Variants in SHANK1 observed in about 807,000 individuals in gnomAD.
The protein encoded by SHANK1 is SH3 and multiple ankyrin repeat domains 1.
SHANK1 carries 35 observed loss-of-function variants against 165.6 expected under a neutral mutation model. The observed-to-expected ratio is 0.21, with a 90% CI of 0.16 to 0.28. The LOEUF (loss-of-function observed/expected upper bound fraction) is 0.28. Among genes scored for constraint, SHANK1 ranks in the 10% least tolerant of loss-of-function variants. The probability of loss-of-function intolerance (pLI) is 1.00; values close to 1 mark genes in which losing one functional copy is unlikely to be tolerated. For missense variants in SHANK1, 2,681 were observed against 3,036.4 expected (o/e 0.88, Z 2.75); for synonymous variants, 1,428 against 1,384.8 (o/e 1.03, Z -0.69).
chr19:50,711,147 C>T, intron 8 of SHANK1: 1 of 548,292 alleles, frequency 1.8e-6, no homozygotes, highest in Non-Finnish European at 3.3e-6. Flanking sequence ...GCACCCAGCT[C>T]CAGGCCTGAT....
chr19:50,662,009 G>A lies in SHANK1; in HGVS notation c.6442C>T (p.Arg2148Cys). ...TTGAGAGCCCGGTCGATGTTCATGCGGTGGCCCACCCTGGTCACACCTAGA... is the reference window on the plus strand; with the variant it reads ...TTGAGAGCCCGGTCGATGTTCATGCAGTGGCCCACCCTGGTCACACCTAGA... ...VDLGVTRVGH[R>C]MNIDRALKFF... The change falls in exon 24 of 24, where the codon CGC (arginine) becomes TGC (cysteine). Residue 2148 changes from arginine (R) to cysteine (C), a missense_variant. Coordinates refer to ENST00000293441, the MANE Select transcript of SHANK1 (RefSeq NM_016148.5). The surrounding 1 kb of genome is among the most constrained non-coding windows in gnomAD (Gnocchi z 7.7). 1.2e-6 allele frequency: 2 copies of A among 1,614,186 alleles called. No homozygotes were observed. The highest frequency in any genetic ancestry group is 8.5e-7 in the Non-Finnish European group (1 of 1,180,030).
At chr19:50,710,200 G>C (rs913025368) in intron 8 of SHANK1, among the ~76,000 whole-genome samples, 2 of 152,190 alleles carry the variant, frequency 1.3e-5, no homozygotes, top group Admixed American at 1.3e-4. Flanking sequence ...AGGAGCACGT[G>C]GGGAGAGAAG....
At chr19:50,666,073 A>T in intron 23 of SHANK1, 119 bp downstream of exon 23, 2 of 912,746 alleles carry the variant, frequency 2.2e-6, no homozygotes, top group African/African-American at 1.7e-5. Flanking sequence ...TGCTTCTGTG[A>T]CAGCAAACTC....
At chr19:50,679,107 G>GATGGGGAGGGGTCAGGGTGA (rs1344661990) in intron 21 of SHANK1, among the ~76,000 whole-genome samples, 5 of 26,340 alleles carry the variant, frequency 1.9e-4, no homozygotes, top group African/African-American at 5.5e-4. Flanking sequence ...GGGTCAGGGT[G>GATGGGGAGGGGTCAGGGTGA]TGGGGAGGGG....
In SHANK1 at chr19:50,719,525, G is replaced by C. The variant is rs1340460751; in HGVS notation, c.-163C>G. On this transcript the variant is annotated 5_prime_UTR_variant, in exon 1 of 24. Transcript: ENST00000293441. ...GCCATGCCCCACCGCCCCGGAGGGC[G>C]AGCGGGCCCGGGGAGGGGGCGGGCG... The C allele has an allele frequency of 7.8e-6, 1 of 127,514 alleles. No homozygotes were observed. Among genetic ancestry groups the C allele is most frequent in the Non-Finnish European group, 1.6e-5 (1 of 60,634 alleles). The allele number at this position is 127,514 out of a possible 1,614,324, so 7.9% of individuals were successfully genotyped here.
At chr19:50,663,434 C>G (rs8101383) in intron 23 of SHANK1, among the ~76,000 whole-genome samples, 71,041 of 151,984 alleles carry the variant, frequency 0.47, 17,563 homozygotes, top group African/African-American at 0.62. Flanking sequence ...CACTCTTGCC[C>G]TGGGCAGCTG....
chr19:50,668,650 G>C lies in SHANK1; in HGVS notation c.3310C>G (p.Arg1104Gly). ...TTGACCAGCGGGCCCTTGCGGCCGC[G>C]GCCCGAGCGGGCGGGCACGTACATG... ...AAMYVPARSGRGRKGPLVKQT... is the reference protein window; with the variant it reads ...AAMYVPARSGGGRKGPLVKQT... Residue 1104 changes from arginine to glycine, a missense_variant, in exon 23 of 24, where the codon CGC becomes GGC. Physicochemically the swap from Arg to Gly is moderately radical, Grantham distance 125. Coordinates refer to ENST00000293441, the MANE Select transcript of SHANK1 (RefSeq NM_016148.5). The C allele has an allele frequency of 7.3e-7, 1 of 1,363,676 alleles. No homozygotes were observed. Among genetic ancestry groups the C allele is most frequent in the Non-Finnish European group, 9.5e-7 (1 of 1,057,848 alleles). The allele number at this position is 1,363,676 out of a possible 1,614,324, so 84.5% of individuals were successfully genotyped here.
At chr19:50,683,185 T>C (rs148270987) in intron 21 of SHANK1, among the ~76,000 whole-genome samples, 37 of 152,134 alleles carry the variant, frequency 2.4e-4, no homozygotes, top group African/African-American at 7.5e-4. Context: ...CAATGAGAGG[T>C]AGTTTTGCCC....
At chr19:50,683,661 G>A (rs1026463653) in intron 21 of SHANK1, among the ~76,000 whole-genome samples, 2 of 152,072 alleles carry the variant, frequency 1.3e-5, no homozygotes, top group African/African-American at 2.4e-5. Context: ...TAAACAGACC[G>A]AGAAAAGACA....
chr19:50,684,773 A>G (rs2123123912), intron 21 of SHANK1, among the ~76,000 whole-genome samples: 1 of 152,366 alleles, frequency 6.6e-6, no homozygotes, highest in East Asian at 1.9e-4. Context: ...ACAGTGGTGC[A>G]GATTTCCCAA....
At chr19:50,704,355 G>T in intron 9 of SHANK1, 82 bp downstream of exon 9, 2 of 1,395,632 alleles carry the variant, frequency 1.4e-6, no homozygotes, top group Non-Finnish European at 1.0e-6. Context: ...TTTCCTCATT[G>T]TCCCCTTCCT....
chr19:50,673,333 C>A (rs1985866193), intron 21 of SHANK1, among the ~76,000 whole-genome samples: 1 of 152,076 alleles, frequency 6.6e-6, no homozygotes, highest in African/African-American at 2.4e-5. Context: ...CAGGCGGGAC[C>A]CAGCCCTGCC....
chr19:50,668,214 T>G lies in SHANK1; in HGVS notation c.3746A>C (p.Glu1249Ala). ...AARREGGWQN[E>A]ARRRSTLFLS... is the part of the protein sequence containing the mutation. Reference sequence around the variant, plus strand: ...GAACAGCGTGGAGCGCCGGCGCGCCTCATTCTGCCAGCCCCCCTCCCTCCG... The same window carrying G: ...GAACAGCGTGGAGCGCCGGCGCGCCGCATTCTGCCAGCCCCCCTCCCTCCG... The change falls in exon 23 of 24, where the codon GAG becomes GCG. Residue 1249 changes from glutamate to alanine, a missense_variant. Glu to Ala is a moderately radical substitution (Grantham distance 107). Coordinates refer to ENST00000293441, the MANE Select transcript of SHANK1 (RefSeq NM_016148.5). The G allele has an allele frequency of 1.3e-6, 2 of 1,496,786 alleles. No homozygotes were observed. Among genetic ancestry groups the G allele is most frequent in the Non-Finnish European group, 1.8e-6 (2 of 1,136,250 alleles). The allele number at this position is 1,496,786 out of a possible 1,614,324, so 92.7% of individuals were successfully genotyped here.
At chr19:50,714,951 G>C (rs758385017) in intron 4 of SHANK1, among the ~76,000 whole-genome samples, 1 of 152,160 alleles carries the variant, frequency 6.6e-6, no homozygotes, top group Non-Finnish European at 1.5e-5. Flanking sequence ...CACTTGGCCA[G>C]TGGTTCCCAA....
rs769203659 is a variant in SHANK1, at chr19:50,672,112, C to T, written c.2580G>A (p.Ser860=). ...GGGCACGGTGGTGGGGATCGAAGCT[C>T]GACTTTGGAGCGGCAGTCAGAGGGG... The part of the protein sequence containing the change: ...HRPKGFFATE[S]SFDPHHRAQP... Residue 860 remains serine, a splice_region_variant and synonymous_variant, in exon 22 of 24, where the codon TCG becomes TCA. Transcript: ENST00000293441. 8.7e-6 allele frequency: 14 copies of T among 1,612,816 alleles called. No individual in the cohort carries two copies. The highest frequency in any genetic ancestry group is 1.7e-5 in the Admixed American group (1 of 59,912).
At chr19:50,663,540 T>G (rs1265280039) in intron 23 of SHANK1, among the ~76,000 whole-genome samples, 1 of 152,044 alleles carries the variant, frequency 6.6e-6, no homozygotes. Context: ...GTAGGATGGT[T>G]GCAATTATTT....
Position 50,697,711 on chromosome 19 carries a change from C to T in SHANK1, c.1862-47G>A, listed in dbSNP as rs758365047. ...CCTTGGACTCTTGTTTTGGAAACCA[C>T]AATCCCAGCCCTAGAGCTCCTGGCC... On this transcript the variant is annotated intron_variant, in intron 13 of 23. Transcript: ENST00000293441. This position sits in a 1 kb window ranked among gnomAD's most constrained non-coding sequence, Gnocchi z 4.7. 8.2e-6 allele frequency: 13 copies of T among 1,589,406 alleles called. No individual in the cohort carries two copies. The South Asian group carries it at 1.2e-4, about 15-fold the overall frequency.
intron 8 of SHANK1, among the ~76,000 whole-genome samples, chr19:50,708,346 A>G (rs1227091165): frequency 6.6e-6 from 1 of 152,078 alleles, no homozygotes; most frequent in Non-Finnish European, 1.5e-5. Flanking sequence ...CAAAGCTGAG[A>G]AGGTGTGCAA....
In SHANK1 at chr19:50,697,051, C is replaced by A; in HGVS notation, c.1964+45G>T. 1 of 1,527,004 alleles carries A rather than the reference C, an allele frequency of 6.5e-7. No homozygotes were observed. The highest frequency in any genetic ancestry group is 9.1e-7 in the Non-Finnish European group (1 of 1,101,634). 94.6% of individuals were successfully genotyped at this position (1,527,004 alleles called of 1,614,324 possible). ...TTCACACGCCCCCCAGGCACCCCGT[C>A]CTTCCCCTCCTGACCCCATCCCCTC... On this transcript the variant is annotated intron_variant, in intron 15 of 23. Transcript: ENST00000293441. This position sits in a 1 kb window ranked among gnomAD's most constrained non-coding sequence, Gnocchi z 4.7.
Sources: allele counts gnomAD v4.1 joint callset (sites outside exome capture counted in the v4.1 genomes callset), GRCh38; gene constraint gnomAD v4.1.1; non-coding constraint Gnocchi (gnomAD v3.1); transcripts MANE v1.5; gene names NCBI Gene and HGNC (gene_info 2026-07-23, HGNC 2026-07-21).